The following CCDC93 variants were observed in gnomAD, a reference collection of about 807,000 sequenced individuals.
CCDC93 encodes the protein CCC complex scaffolding subunit CCDC93.
Under a neutral mutation model 108.2 loss-of-function variants are expected in CCDC93, and 61 were observed. The observed-to-expected ratio is 0.56, with a 90% confidence interval of 0.46 to 0.70. The LOEUF is 0.70. CCDC93 is among the 30% of genes least tolerant of loss of function. CCDC93 has a pLI of 0.00. For missense variants in CCDC93, 685 were observed against 764.2 expected, an observed-to-expected ratio of 0.90 and a Z score of 1.22; for synonymous variants, 276 against 260.4, an observed-to-expected ratio of 1.06 and a Z score of -0.58.
intron 11 of CCDC93, among the ~76,000 whole-genome samples, chr2:117,959,135 T>C (rs1462048415): frequency 1.3e-5 from 2 of 152,160 alleles, no homozygotes; most frequent in Non-Finnish European, 2.9e-5. Context: ...CTGAACAAGA[T>C]GATGAGGTGA....
chr2:117,965,207 G>A (rs1002456385), intron 11 of CCDC93, among the ~76,000 whole-genome samples: 1 of 151,496 alleles, frequency 6.6e-6, no homozygotes, highest in Non-Finnish European at 1.5e-5. Flanking sequence ...GTTTCCAAGA[G>A]AGGAACACCC....
chr2:117,993,438 C>CAAAA (rs35648657), intron 6 of CCDC93, among the ~76,000 whole-genome samples: 5 of 141,998 alleles, frequency 3.5e-5, no homozygotes, highest in Admixed American at 1.4e-4. Flanking sequence ...CTTTTGTTAC[C>CAAAA]AAAAAAAAAA....
chr2:117,952,343 C>G (rs1679083121), intron 13 of CCDC93, 30 bp downstream of exon 13: 1 of 1,466,940 alleles, frequency 6.8e-7, no homozygotes, highest in South Asian at 1.1e-5. Flanking sequence ...TGACAAGGGC[C>G]CACAGAAGAA....
At chr2:117,953,483 T>C (rs1679123855) in intron 12 of CCDC93, among the ~76,000 whole-genome samples, 1 of 152,158 alleles carries the variant, frequency 6.6e-6, no homozygotes, top group Non-Finnish European at 1.5e-5. Flanking sequence ...GAGATAAGGG[T>C]ACTCTGGGAA....
At chr2:117,922,277 T>C (rs1308070332) in intron 23 of CCDC93, among the ~76,000 whole-genome samples, 1 of 152,136 alleles carries the variant, frequency 6.6e-6, no homozygotes. Flanking sequence ...TCACCTAGTA[T>C]GTGAGCCTAC....
chr2:117,952,303 C>T (rs1270890672), intron 13 of CCDC93, 70 bp downstream of exon 13: 2 of 973,018 alleles, frequency 2.1e-6, no homozygotes, highest in African/African-American at 3.2e-5. Flanking sequence ...ACACATCATT[C>T]CATTAGTGGT....
intron 10 of CCDC93, 107 bp downstream of exon 10, chr2:117,974,743 T>C (rs1039698779): frequency 2.5e-5 from 19 of 768,234 alleles, no homozygotes; most frequent in Non-Finnish European, 3.8e-5. Flanking sequence ...AGGTACTGTG[T>C]GCTGGTGAGA....
chr2:117,932,787 C>A (rs538774199), intron 22 of CCDC93, among the ~76,000 whole-genome samples: 1 of 152,210 alleles, frequency 6.6e-6, no homozygotes, highest in East Asian at 1.9e-4. Flanking sequence ...ACCAGCCCAC[C>A]GCAGTTCCCA....
intron 23 of CCDC93, among the ~76,000 whole-genome samples, chr2:117,920,808 A>G (rs962369929): frequency 6.6e-6 from 1 of 152,222 alleles, no homozygotes; most frequent in African/African-American, 2.4e-5. Flanking sequence ...ATAGCAGGCA[A>G]AACACATAGA....
chr2:117,986,033 G>C lies in CCDC93; in HGVS notation c.556C>G (p.Gln186Glu). ...TCATCAAGTAGCTCCTCTGCTCCCT[G>C]GTGGCGTTTGTATTTCCGACGGGGC... The part of the protein sequence containing the change: ...YKPRRKYKRH[Q>E]GAEELLDEES... The change falls in exon 7 of 24, where the codon CAG (glutamine) becomes GAG (glutamate). Residue 186 changes from glutamine to glutamate, a missense_variant. Transcript: ENST00000376300. 1 of 1,613,656 alleles carries C rather than the reference G, an allele frequency of 6.2e-7. No individual in the cohort carries two copies. Among genetic ancestry groups the C allele is most frequent in the Non-Finnish European group, 8.5e-7 (1 of 1,179,670 alleles).
chr2:118,003,157 CATAAG>C (rs1241710714), intron 3 of CCDC93, among the ~76,000 whole-genome samples: 3 of 152,220 alleles, frequency 2.0e-5, no homozygotes, highest in Non-Finnish European at 4.4e-5. Flanking sequence ...TCTTTTCTGC[CATAAG>C]ATATGTTGCC....
intron 11 of CCDC93, among the ~76,000 whole-genome samples, chr2:117,966,491 G>A (rs1679579115): frequency 6.6e-6 from 1 of 152,220 alleles, no homozygotes; most frequent in African/African-American, 2.4e-5. Context: ...GCAACATGCT[G>A]GGTAGAATTC....
intron 11 of CCDC93, among the ~76,000 whole-genome samples, chr2:117,959,706 G>A (rs768197961): frequency 2.5e-4 from 38 of 152,184 alleles, no homozygotes; most frequent in South Asian, 2.1e-4. Flanking sequence ...ATCACTTTCT[G>A]TCTCATGGGC....
Position 117,917,183 on chromosome 2 carries a change from G to A in CCDC93, c.*3160C>T, listed in dbSNP as rs192670692. On this transcript the variant is annotated 3_prime_UTR_variant, in exon 24 of 24. Coordinates refer to ENST00000376300, the MANE Select transcript of CCDC93 (RefSeq NM_019044.5). The stretch of plus-strand genomic sequence containing the variant: ...TGGGCAAACAAGACCATATGAGGCA[G>A]CAGAAATATGAGGGCACAGGTTAGA... 1 of 152,794 alleles carries A rather than the reference G, an allele frequency of 6.5e-6. No individual in the cohort carries two copies. Among genetic ancestry groups the A allele is most frequent in the African/African-American group, 2.4e-5 (1 of 41,572 alleles). 9.5% of individuals were successfully genotyped at this position (152,794 alleles called of 1,614,324 possible).
chr2:117,933,205 G>C (rs1218456697), intron 22 of CCDC93, among the ~76,000 whole-genome samples: 1 of 152,168 alleles, frequency 6.6e-6, no homozygotes, highest in South Asian at 2.1e-4. Context: ...AGAAGCTTGG[G>C]ACATGAAATG....
chr2:117,948,036 G>A (rs1678932424), intron 15 of CCDC93, 69 bp downstream of exon 15: 2 of 1,264,920 alleles, frequency 1.6e-6, no homozygotes, highest in African/African-American at 1.5e-5. Flanking sequence ...GCCACAACAG[G>A]ACAACGGAGG....
rs553736368 is a variant in CCDC93 at position 117,926,308 on chromosome 2, C to CA, written c.1842+4728dup. ...GGAAATAGAGACATAAAAAACCCTT[C>CA]AAAAAATCAATGAATCCAGGAGCTG... On this transcript the variant is annotated intron_variant, in intron 23 of 23. Transcript: ENST00000376300. Among the ~76,000 whole-genome samples, 500 of 152,004 alleles carry CA rather than the reference C, an allele frequency of 3.3e-3. 5 individuals carry two copies. Among genetic ancestry groups the CA allele is most frequent in the African/African-American group, 0.011 (457 of 41,496 alleles).
At chr2:118,008,748 A>G in intron 1 of CCDC93, 90 bp from the exon 2 acceptor site, 1 of 770,830 alleles carries the variant, frequency 1.3e-6, no homozygotes, top group Non-Finnish European at 2.2e-6. Context: ...GCTCATTGCC[A>G]AGGAGTAGAT....
chr2:117,949,206 G>C lies in CCDC93; in HGVS notation c.1142+116C>G, dbSNP rs1439324377. On this transcript the variant is annotated intron_variant, in intron 14 of 23. Transcript: ENST00000376300. The stretch of plus-strand genomic sequence containing the variant: ...AACAGTAAAATGATCTGACCTGCAG[G>C]GGCCAGACCAATAGCCTTTGGCTGC... 9.8e-6 allele frequency: 7 copies of C among 714,218 alleles called. No homozygotes were observed. The Admixed American group carries it at 1.3e-4, about 13-fold the overall frequency. 44.2% of individuals were successfully genotyped at this position (714,218 alleles called of 1,614,324 possible). A position where few individuals can be genotyped will look rare whatever the true frequency, so the allele number is the denominator to read the frequency against.
Sources: allele counts gnomAD v4.1 joint callset (sites outside exome capture counted in the v4.1 genomes callset), GRCh38; gene constraint gnomAD v4.1.1; transcripts MANE v1.5; gene names NCBI Gene and HGNC (gene_info 2026-07-23, HGNC 2026-07-21).